The following SGCD variants were observed in gnomAD, a reference collection of about 807,000 sequenced individuals.
SGCD encodes the protein delta-sarcoglycan.
In SGCD, 18 loss-of-function variants were observed where a neutral mutation model predicts 36.6. The ratio of observed to expected loss-of-function variants is 0.49; its 90% confidence interval spans 0.34 to 0.73. SGCD has a LOEUF of 0.73. Ranked by LOEUF, SGCD falls within the 30% of genes least tolerant of loss-of-function variation. The pLI, the probability that SGCD is intolerant of heterozygous loss-of-function variation, is 0.01. For missense variants in SGCD, 387 were observed against 346.7 expected, an observed-to-expected ratio of 1.12 and a Z score of -0.92; for synonymous variants, 133 against 130.6, an observed-to-expected ratio of 1.02 and a Z score of -0.12.
chr5:155,802,582 A>G, the SGCD span, among the ~76,000 whole-genome samples: 1 of 152,146 alleles, frequency 6.6e-6, no homozygotes, highest in Non-Finnish European at 1.5e-5. Flanking sequence ...CACAGTTATT[A>G]TTGCTTTGCT....
At chr5:156,567,332 AGAGGGAGGGAGTGAGGCAGG>A (rs946311839) in intron 4 of SGCD, among the ~76,000 whole-genome samples, 1 of 133,464 alleles carries the variant, frequency 7.5e-6, no homozygotes, top group Admixed American at 8.0e-5. Flanking sequence ...GGGGAAGGAG[AGAGGGAGGGAGTGAGGCAGG>A]GAGGGAGGGA....
the SGCD span, among the ~76,000 whole-genome samples, chr5:155,794,784 T>C: frequency 1.3e-5 from 2 of 152,264 alleles, no homozygotes; most frequent in African/African-American, 4.8e-5. Context: ...CTATGAATGA[T>C]TCAAATATGA....
chr5:156,292,700 T>C (rs2127678923), intron 3 of SGCD, among the ~76,000 whole-genome samples: 1 of 152,224 alleles, frequency 6.6e-6, no homozygotes, highest in South Asian at 2.1e-4. Context: ...AGTGGGATGT[T>C]CCATTTTAGA....
intron 3 of SGCD, among the ~76,000 whole-genome samples, chr5:156,462,465 C>A (rs1326170611): frequency 6.6e-6 from 1 of 152,084 alleles, no homozygotes; most frequent in African/African-American, 2.4e-5. Context: ...GAAATCAAGA[C>A]ACAAAGAAAG....
At chr5:156,611,979 C>T (rs1000475172) in intron 6 of SGCD, among the ~76,000 whole-genome samples, 3 of 151,946 alleles carry the variant, frequency 2.0e-5, no homozygotes, top group Non-Finnish European at 4.4e-5. Flanking sequence ...GAATTTTTTC[C>T]TATTTCATTG....
chr5:156,272,973 G>A (rs994121131), intron 3 of SGCD, among the ~76,000 whole-genome samples: 7 of 152,320 alleles, frequency 4.6e-5, no homozygotes, highest in African/African-American at 1.7e-4. Context: ...TATCTGGCCT[G>A]TTACAGAAAA....
At chr5:155,872,590 G>A (rs180759783) in intron 1 of SGCD, among the ~76,000 whole-genome samples, 21 of 152,216 alleles carry the variant, frequency 1.4e-4, no homozygotes, top group Admixed American at 2.6e-4. Flanking sequence ...TAAGGAAATG[G>A]TAATGTACAC....
intron 3 of SGCD, among the ~76,000 whole-genome samples, chr5:156,370,821 A>G (rs1247326537): frequency 6.6e-6 from 1 of 152,156 alleles, no homozygotes. Context: ...CAAACAGAAC[A>G]TCGGTGAGTA....
At chr5:155,734,419 C>T in the SGCD span, among the ~76,000 whole-genome samples, 2 of 151,758 alleles carry the variant, frequency 1.3e-5, no homozygotes, top group Non-Finnish European at 2.9e-5. Context: ...GCCATGTTAC[C>T]CAGGCTAGTC....
At chr5:156,486,772 G>C (rs1286148645) in intron 3 of SGCD, among the ~76,000 whole-genome samples, 1 of 152,106 alleles carries the variant, frequency 6.6e-6, no homozygotes, top group African/African-American at 2.4e-5. Context: ...CCTCCTGAAG[G>C]ATCTGGGGAC....
chr5:156,275,525 G>A (rs553272531), intron 3 of SGCD, among the ~76,000 whole-genome samples: 1 of 152,242 alleles, frequency 6.6e-6, no homozygotes, highest in South Asian at 2.1e-4. Flanking sequence ...CCTCCTGCTG[G>A]AATACCTCTT....
At chr5:155,834,352 A>T in the SGCD span, among the ~76,000 whole-genome samples, 1 of 152,158 alleles carries the variant, frequency 6.6e-6, no homozygotes, top group African/African-American at 2.4e-5. Flanking sequence ...AGAATAACTA[A>T]AGCACAGCTT....
At chr5:156,463,921 A>G (rs1314504820) in intron 3 of SGCD, among the ~76,000 whole-genome samples, 1 of 152,172 alleles carries the variant, frequency 6.6e-6, no homozygotes, top group Non-Finnish European at 1.5e-5. Flanking sequence ...CTGCCACTGC[A>G]CTCTAGCCTG....
intron 1 of SGCD, among the ~76,000 whole-genome samples, chr5:156,069,310 G>C (rs112059885): frequency 6.6e-6 from 1 of 151,798 alleles, no homozygotes; most frequent in Admixed American, 6.6e-5. Flanking sequence ...ATAAGGTGTA[G>C]GGAAGGGATC....
chr5:156,243,110 T>C (rs973009948), intron 3 of SGCD, among the ~76,000 whole-genome samples: 17 of 152,114 alleles, frequency 1.1e-4, no homozygotes, highest in South Asian at 4.2e-4. Flanking sequence ...GCATGGGATA[T>C]TGGAGCCCAC....
At chr5:155,908,240 C>G (rs148648786) in intron 1 of SGCD, among the ~76,000 whole-genome samples, 177 of 152,146 alleles carry the variant, frequency 1.2e-3, no homozygotes, top group Middle Eastern at 3.4e-3. Context: ...CACTTTGTTG[C>G]AAATTTGCTT....
At chr5:156,350,703 C>G (rs6872904) in intron 3 of SGCD, among the ~76,000 whole-genome samples, 21,000 of 152,036 alleles carry the variant, frequency 0.14, 1,894 homozygotes, top group African/African-American at 0.26. Flanking sequence ...TGTGTTTTAC[C>G]TACACTGTAA....
intron 1 of SGCD, among the ~76,000 whole-genome samples, chr5:155,919,823 G>C (rs1202556080): frequency 2.0e-5 from 3 of 152,014 alleles, no homozygotes; most frequent in African/African-American, 7.3e-5. Flanking sequence ...CAAATATTTG[G>C]CGAGTGCTTA....
At chr5:156,579,296 C>G (rs1023477568) in intron 4 of SGCD, among the ~76,000 whole-genome samples, 1 of 152,040 alleles carries the variant, frequency 6.6e-6, no homozygotes, top group Non-Finnish European at 1.5e-5. Flanking sequence ...GTGATTTCTG[C>G]TCTTTTACAT....
Sources: allele counts gnomAD v4.1 joint callset (sites outside exome capture counted in the v4.1 genomes callset), GRCh38; gene constraint gnomAD v4.1.1; transcripts MANE v1.5; gene names NCBI Gene and HGNC (gene_info 2026-07-23, HGNC 2026-07-21).